The following CSMD2 variants were observed in gnomAD, a reference collection of about 807,000 sequenced individuals.
The protein encoded by CSMD2 is CUB and sushi domain-containing protein 2.
CSMD2 carries 130 observed loss-of-function variants against 398.5 expected under a neutral mutation model. That is an observed-to-expected ratio of 0.33 (90% confidence interval 0.28 to 0.38). The LOEUF (loss-of-function observed/expected upper bound fraction) is 0.38. Among genes scored for constraint, CSMD2 ranks in the 10% least tolerant of loss-of-function variants. CSMD2 has a pLI of 1.00. For synonymous variants in CSMD2, 1,828 were observed against 1,908.5 expected (o/e 0.96, Z 1.10); for missense variants, 3,829 against 4,764.9 (o/e 0.80, Z 5.78).
chr1:33,541,170 G>C lies in CSMD2; in HGVS notation c.9417C>G (p.Thr3139=). Reference sequence around the variant, plus strand: ...TGGTTCCATTCCATGTCCGGTCCTTGGTGCAGCTCAGCACAGATACTCTAT... The same window carrying C: ...TGGTTCCATTCCATGTCCGGTCCTTCGTGCAGCTCAGCACAGATACTCTAT... The part of the protein sequence containing the change: ...ESHRVSVLSC[T]KDRTWNGTKP... The change falls in exon 59 of 71, where the codon ACC becomes ACG. Residue 3139 remains threonine (T), a synonymous_variant. Transcript: ENST00000373381. The C allele has an allele frequency of 1.2e-6, 2 of 1,614,114 alleles. No homozygotes were observed. The highest frequency in any genetic ancestry group is 1.7e-6 in the Non-Finnish European group (2 of 1,180,028).
At chr1:34,040,400 C>T (rs1265073798) in intron 2 of CSMD2, among the ~76,000 whole-genome samples, 1 of 152,054 alleles carries the variant, frequency 6.6e-6, no homozygotes, top group Non-Finnish European at 1.5e-5. Flanking sequence ...CCTATCCTGA[C>T]TGACATCCCT....
intron 27 of CSMD2, among the ~76,000 whole-genome samples, chr1:33,657,637 C>T (rs1643989246): frequency 6.6e-6 from 1 of 152,190 alleles, no homozygotes; most frequent in Non-Finnish European, 1.5e-5. Context: ...CAAGATGACC[C>T]ACTGTCCTCC....
At chr1:33,553,145 A>G (rs1019676537) in intron 55 of CSMD2, among the ~76,000 whole-genome samples, 2 of 151,670 alleles carry the variant, frequency 1.3e-5, no homozygotes, top group African/African-American at 4.8e-5. Flanking sequence ...GTCTTGCTTT[A>G]GTGTGCTTTA....
At chr1:33,837,496 G>A (rs2125056253) in intron 6 of CSMD2, among the ~76,000 whole-genome samples, 1 of 152,034 alleles carries the variant, frequency 6.6e-6, no homozygotes, top group East Asian at 1.9e-4. Flanking sequence ...AGGTAAAATG[G>A]AACCTGGGGC....
chr1:33,748,703 A>T (rs6425837), intron 13 of CSMD2, among the ~76,000 whole-genome samples: 45,459 of 152,048 alleles, frequency 0.3, 8,381 homozygotes, highest in African/African-American at 0.53. Context: ...AAGATATGAC[A>T]GTTATAATAC....
In CSMD2 at chr1:34,123,807, G is replaced by GAAAAAA. The variant is rs1558423669; in HGVS notation, c.188-34615_188-34614insTTTTTT. ...TGTTGGTGGTGGCTGTGTGAGAGCA[G>GAAAAAA]GAAAAAAAAACAACAACATGGCTTA... On this transcript the variant is annotated intron_variant, in intron 1 of 70. Coordinates refer to ENST00000373381, the MANE Select transcript of CSMD2 (RefSeq NM_001281956.2). Among the ~76,000 whole-genome samples, 245 of 147,468 alleles carry GAAAAAA rather than the reference G, an allele frequency of 1.7e-3. 1 individual carries two copies. Among genetic ancestry groups the GAAAAAA allele is most frequent in the African/African-American group, 6.1e-3 (235 of 38,432 alleles).
intron 3 of CSMD2, among the ~76,000 whole-genome samples, chr1:33,992,244 A>G (rs989778411): frequency 6.6e-6 from 1 of 152,150 alleles, no homozygotes; most frequent in Non-Finnish European, 1.5e-5. Context: ...TAAGCTCATA[A>G]AAGTGCATTG....
At chr1:34,155,162 G>A (rs1640694662) in intron 1 of CSMD2, among the ~76,000 whole-genome samples, 2 of 152,206 alleles carry the variant, frequency 1.3e-5, no homozygotes, top group East Asian at 1.9e-4. Flanking sequence ...GCACAGAGAG[G>A]TGATCATAAA....
At chr1:33,848,286 G>T (rs1158518346) in intron 5 of CSMD2, among the ~76,000 whole-genome samples, 1 of 152,212 alleles carries the variant, frequency 6.6e-6, no homozygotes, top group Non-Finnish European at 1.5e-5. Flanking sequence ...GGGGCTGCAT[G>T]TAAGAAGACA....
chr1:33,935,545 G>A (rs1644451635), intron 4 of CSMD2, among the ~76,000 whole-genome samples: 1 of 152,182 alleles, frequency 6.6e-6, no homozygotes, highest in Non-Finnish European at 1.5e-5. Context: ...GGGAAAAAAT[G>A]AGGGAGTGCA....
chr1:33,658,002 C>T lies in CSMD2; in HGVS notation c.4391G>A (p.Ser1464Asn). 1 of 1,614,222 alleles carries T rather than the reference C, an allele frequency of 6.2e-7. No individual in the cohort carries two copies. Among genetic ancestry groups the T allele is most frequent in the Non-Finnish European group, 8.5e-7 (1 of 1,180,032 alleles). ...GAACCTGTTCTCGATCTTCACACAG[C>T]TGATCTCTGCACTTCCCTGCAGCGC... ...GYALQGSAEISCVKIENRFFW... is the reference protein window; with the variant it reads ...GYALQGSAEINCVKIENRFFW... Residue 1464 changes from serine to asparagine, a missense_variant, in exon 27 of 71, where the codon AGC (serine) becomes AAC (asparagine). Transcript: ENST00000373381.
intron 25 of CSMD2, among the ~76,000 whole-genome samples, chr1:33,677,805 G>A (rs2149051772): frequency 6.6e-6 from 1 of 152,038 alleles, no homozygotes; most frequent in South Asian, 2.1e-4. Context: ...CATGTCCTTT[G>A]TAGGGACATG....
chr1:33,973,170 C>T (rs1177590830), intron 3 of CSMD2, among the ~76,000 whole-genome samples: 1 of 152,222 alleles, frequency 6.6e-6, no homozygotes, highest in Admixed American at 6.5e-5. Context: ...GGATCCTCCC[C>T]TGCCCACACT....
At chr1:33,967,884 TAA>T in intron 3 of CSMD2, among the ~76,000 whole-genome samples, 1 of 152,240 alleles carries the variant, frequency 6.6e-6, no homozygotes. Flanking sequence ...TCCTCTAGGG[TAA>T]CAGAGAGTCA....
In CSMD2 at chr1:33,571,587, G is replaced by A; in HGVS notation, c.7902C>T (p.Ile2634=). 1 of 1,551,590 alleles carries A rather than the reference G, an allele frequency of 6.4e-7. No individual in the cohort carries two copies. The change falls in exon 51 of 71, where the codon ATC becomes ATT. Residue 2634 remains isoleucine, a synonymous_variant. Transcript: ENST00000373381. ...TCCATTTGCCATTGGCCTGACAGCG[G>A]ATGACCCTTTGGCCAGTATAGTAGT... ...PGYYYTGQRV[I]RCQANGKWSL... is the part of the protein sequence containing the mutation.
intron 38 of CSMD2, 122 bp downstream of exon 38, chr1:33,617,377 G>T: frequency 1.4e-6 from 1 of 719,012 alleles, no homozygotes; most frequent in Non-Finnish European, 2.5e-6. Context: ...GAGGATAATG[G>T]TACCCGGGGG....
intron 49 of CSMD2, among the ~76,000 whole-genome samples, chr1:33,576,460 G>C (rs372299269): frequency 1.3e-5 from 2 of 152,128 alleles, no homozygotes; most frequent in Non-Finnish European, 2.9e-5. Context: ...GCATGGTGGC[G>C]GGTGACTGTA....
At chr1:33,969,507 A>G (rs945206506) in intron 3 of CSMD2, among the ~76,000 whole-genome samples, 2 of 152,238 alleles carry the variant, frequency 1.3e-5, no homozygotes, top group Non-Finnish European at 2.9e-5. Flanking sequence ...GTAGTTACAG[A>G]TGCCATGCAC....
At chr1:33,521,054 T>C (rs1338309429) in intron 68 of CSMD2, among the ~76,000 whole-genome samples, 6 of 152,196 alleles carry the variant, frequency 3.9e-5, no homozygotes, top group Admixed American at 2.0e-4. Flanking sequence ...ACCAGTCTTC[T>C]AGGGCTGGGC....
Sources: allele counts gnomAD v4.1 joint callset (sites outside exome capture counted in the v4.1 genomes callset), GRCh38; gene constraint gnomAD v4.1.1; transcripts MANE v1.5; gene names NCBI Gene and HGNC (gene_info 2026-07-23, HGNC 2026-07-21).